TTLL9: variants seen among roughly 807,000 people sequenced by gnomAD.
TTLL9 encodes the protein probable tubulin polyglutamylase TTLL9.
TTLL9 carries 47 observed loss-of-function variants against 65.6 expected under a neutral mutation model. The observed-to-expected ratio is 0.72, with a 90% CI of 0.57 to 0.91. The LOEUF (loss-of-function observed/expected upper bound fraction) is 0.91. Among genes scored for constraint, TTLL9 ranks in the 40% least tolerant of loss-of-function variants. The pLI is 0.00. For synonymous variants in TTLL9, 179 were observed against 204.8 expected (o/e 0.87, Z 1.07); for missense variants, 537 against 568.8 (o/e 0.94, Z 0.57).
At chr20:31,914,683 G>A (rs900146071) in intron 6 of TTLL9, among the ~76,000 whole-genome samples, 2 of 152,188 alleles carry the variant, frequency 1.3e-5, no homozygotes, top group Non-Finnish European at 1.5e-5. Flanking sequence ...GGGAGGGAGG[G>A]AGGAAGGTTG....
chr20:31,926,737 C>A (rs1272687787), intron 10 of TTLL9, among the ~76,000 whole-genome samples: 1 of 152,142 alleles, frequency 6.6e-6, no homozygotes, highest in Non-Finnish European at 1.5e-5. Flanking sequence ...AAACAATTTC[C>A]AAGATATATT....
chr20:31,881,637 A>G (rs2063119680), intron 2 of TTLL9, among the ~76,000 whole-genome samples: 1 of 130,036 alleles, frequency 7.7e-6, no homozygotes, highest in Non-Finnish European at 1.5e-5. Context: ...ACAGTGTCTC[A>G]TTCTGTTGCC....
At chr20:31,937,590 C>A in intron 13 of TTLL9, 81 bp downstream of exon 13, 1 of 1,174,422 alleles carries the variant, frequency 8.5e-7, no homozygotes, top group Non-Finnish European at 1.2e-6. Context: ...AGCTTAGAAC[C>A]TTGGGGCCTG....
At position 31,933,870 on chromosome 20, in the gene TTLL9, G is replaced by A. The variant is rs374528195; in HGVS notation, c.807+12G>A. On this transcript the variant is annotated intron_variant, in intron 11 of 14. Coordinates refer to ENST00000535842, the MANE Select transcript of TTLL9 (RefSeq NM_001008409.5). ...ACCACCCAAAGAAGGTGAGGAAGCC[G>A]GGCTCGGCTATGCACGGGTACAGCC... The A allele has an allele frequency of 9.3e-6, 15 of 1,613,008 alleles. No homozygotes were observed. Among genetic ancestry groups the A allele is most frequent in the East Asian group, 2.2e-5 (1 of 44,854 alleles).
intron 10 of TTLL9, among the ~76,000 whole-genome samples, chr20:31,927,480 CA>C (rs777895091): frequency 0.014 from 766 of 54,178 alleles, 6 homozygotes; most frequent in African/African-American, 0.051. Context: ...GACTCTGTCT[CA>C]AAAAAAAAAA....
In TTLL9 at chr20:31,908,669, T is replaced by C. The variant is rs377173832; in HGVS notation, c.285T>C (p.His95=). 16 of 1,613,390 alleles carry C rather than the reference T, an allele frequency of 9.9e-6. No homozygotes were observed. The South Asian group carries it at 1.3e-4, about 13-fold the overall frequency. ...TCGACCACACCTACATGGATGAACA[T>C]GTGCGGATCAGTCACTTCCGGAACC... is the stretch of plus-strand genomic sequence containing the variant. ...ENFDHTYMDE[H]VRISHFRNHY... is the part of the protein sequence containing the mutation. The change falls in exon 5 of 15, where the codon CAT becomes CAC. Residue 95 remains histidine (H), a synonymous_variant. Coordinates refer to ENST00000535842, the MANE Select transcript of TTLL9 (RefSeq NM_001008409.5).
At chr20:31,935,049 A>G (rs1468534457) in intron 12 of TTLL9, among the ~76,000 whole-genome samples, 161 bp downstream of exon 12, 2 of 152,166 alleles carry the variant, frequency 1.3e-5, no homozygotes, top group Non-Finnish European at 2.9e-5. Context: ...GGGGTTGGTC[A>G]TGACAGGATC....
intron 2 of TTLL9, among the ~76,000 whole-genome samples, chr20:31,878,892 CTTAAG>C (rs1056829796): frequency 3.5e-4 from 54 of 152,214 alleles, no homozygotes; most frequent in African/African-American, 1.2e-3. Flanking sequence ...ATGCGTAGAT[CTTAAG>C]TTTTCAGTTT....
chr20:31,893,160 T>A (rs918289889), intron 3 of TTLL9, among the ~76,000 whole-genome samples: 22 of 152,222 alleles, frequency 1.4e-4, no homozygotes, highest in Non-Finnish European at 2.5e-4. Context: ...TATTTCACTG[T>A]CATATTTTAA....
At chr20:31,942,813 G>A in intron 14 of TTLL9, 132 bp from the exon 15 acceptor site, 1 of 821,314 alleles carries the variant, frequency 1.2e-6, no homozygotes, top group East Asian at 2.4e-5. Context: ...ATGGAGCCAG[G>A]ATATAAACCA....
intron 3 of TTLL9, among the ~76,000 whole-genome samples, chr20:31,890,075 T>G (rs1337676257): frequency 1.5e-5 from 2 of 131,082 alleles, no homozygotes; most frequent in African/African-American, 3.2e-5. Context: ...TTTCTTGCTT[T>G]CTTGCTTTCT....
chr20:31,894,991 A>G (rs193088140), intron 3 of TTLL9, among the ~76,000 whole-genome samples: 1 of 152,140 alleles, frequency 6.6e-6, no homozygotes, highest in Non-Finnish European at 1.5e-5. Context: ...GTGTCTCACT[A>G]TGTTGCCCAG....
At chr20:31,914,889 G>A (rs2063710832) in intron 6 of TTLL9, among the ~76,000 whole-genome samples, 1 of 152,170 alleles carries the variant, frequency 6.6e-6, no homozygotes, top group Admixed American at 6.5e-5. Flanking sequence ...GAAGCCGCTG[G>A]CACTCTCAGT....
chr20:31,907,129 G>A (rs963914246), intron 4 of TTLL9, among the ~76,000 whole-genome samples: 10 of 152,182 alleles, frequency 6.6e-5, no homozygotes, highest in Non-Finnish European at 1.3e-4. Context: ...TAACCACAGA[G>A]CTTGGACTCT....
intron 12 of TTLL9, among the ~76,000 whole-genome samples, chr20:31,935,239 G>A (rs1362794643): frequency 6.6e-6 from 1 of 152,192 alleles, no homozygotes; most frequent in East Asian, 1.9e-4. Flanking sequence ...GATGCAAAGA[G>A]CCATATAATG....
At chr20:31,877,757 G>A (rs551475444) in intron 2 of TTLL9, among the ~76,000 whole-genome samples, 1 of 151,966 alleles carries the variant, frequency 6.6e-6, no homozygotes, top group Non-Finnish European at 1.5e-5. Context: ...ACTCCTCATT[G>A]GCTTGGTAGG....
intron 2 of TTLL9, chr20:31,884,140 T>A (rs750130806): frequency 1.0e-4 from 45 of 448,106 alleles, no homozygotes; most frequent in Admixed American, 3.7e-4. Flanking sequence ...TATATATGTA[T>A]CAGTTTCCAA....
chr20:31,937,422 C>T lies in TTLL9; in HGVS notation c.1031C>T (p.Pro344Leu). The stretch of plus-strand genomic sequence containing the variant: ...TGGCTCCTGGAGGTCAATGCGTCCC[C>T]ATCACTGACAGCCAGCAGCCAGGAA... ...KPWLLEVNAS[P>L]SLTASSQEDY... Residue 344 changes from proline (P) to leucine (L), a missense_variant, in exon 13 of 15, where the codon CCA becomes CTA. Coordinates refer to ENST00000535842, the MANE Select transcript of TTLL9 (RefSeq NM_001008409.5). 1 of 1,613,752 alleles carries T rather than the reference C, an allele frequency of 6.2e-7. No homozygotes were observed. Among genetic ancestry groups the T allele is most frequent in the Non-Finnish European group, 8.5e-7 (1 of 1,179,792 alleles).
intron 11 of TTLL9, 129 bp from the exon 12 acceptor site, chr20:31,934,563 C>T: frequency 1.2e-6 from 1 of 847,862 alleles, no homozygotes; most frequent in South Asian, 1.7e-5. Flanking sequence ...ATCCTAATTA[C>T]AGGGCTCAGG....
Sources: allele counts gnomAD v4.1 joint callset (sites outside exome capture counted in the v4.1 genomes callset), GRCh38; gene constraint gnomAD v4.1.1; transcripts MANE v1.5; gene names NCBI Gene and HGNC (gene_info 2026-07-23, HGNC 2026-07-21).